Variants in MCPH1 observed in about 807,000 individuals in gnomAD.
MCPH1 encodes microcephalin 1, also known as microcephalin.
In MCPH1, 104 loss-of-function variants were observed where a neutral mutation model predicts 84.5. That is an observed-to-expected ratio of 1.23 (90% confidence interval 1.05 to 1.45). MCPH1 has a LOEUF of 1.45. Among genes scored for constraint, MCPH1 ranks in the 40% most tolerant of loss-of-function variants. The pLI is 0.00. For missense variants in MCPH1, 1,498 were observed against 1,005.7 expected, an observed-to-expected ratio of 1.49 and a Z score of -6.62; for synonymous variants, 514 against 366.8, an observed-to-expected ratio of 1.40 and a Z score of -4.58.
chr8:6,640,070 G>A (rs1225456687), intron 13 of MCPH1, among the ~76,000 whole-genome samples: 1 of 140,028 alleles, frequency 7.1e-6, no homozygotes, highest in Non-Finnish European at 1.5e-5. Flanking sequence ...GTGTGTGTGT[G>A]TGTGTGTGTG....
chr8:6,432,135 TAAGA>T (rs1270162341), intron 4 of MCPH1, among the ~76,000 whole-genome samples: 2 of 152,192 alleles, frequency 1.3e-5, no homozygotes, highest in African/African-American at 4.8e-5. Flanking sequence ...CCCGTATACC[TAAGA>T]AAGAATTGTT....
At position 6,439,024 on chromosome 8, in the gene MCPH1, A is replaced by T; in HGVS notation, c.508A>T (p.Ser170Cys). 6.2e-7 allele frequency: 1 copy of T among 1,612,004 alleles called. No individual in the cohort carries two copies. Among genetic ancestry groups the T allele is most frequent in the Non-Finnish European group, 8.5e-7 (1 of 1,178,246 alleles). Residue 170 changes from serine (S) to cysteine (C), a missense_variant, in exon 6 of 14, where the codon AGT becomes TGT. Physicochemically the swap from Ser to Cys is moderately radical, Grantham distance 112. Coordinates refer to ENST00000344683, the MANE Select transcript of MCPH1 (RefSeq NM_024596.5). The stretch of plus-strand genomic sequence containing the variant: ...ATATACTCCCACAATTGAAATTAAT[A>T]GTAGGCACCACAGCGCAATGGAGAA... ...LIYTPTIEIN[S>C]RHHSAMEKRL...
At chr8:6,623,287 C>G (rs192979345) in intron 13 of MCPH1, among the ~76,000 whole-genome samples, 3 of 152,104 alleles carry the variant, frequency 2.0e-5, no homozygotes, top group Non-Finnish European at 4.4e-5. Context: ...ATGAATCACT[C>G]TAGTTTCAGC....
intron 12 of MCPH1, among the ~76,000 whole-genome samples, chr8:6,546,079 G>C (rs1822532423): frequency 6.6e-6 from 1 of 152,180 alleles, no homozygotes; most frequent in Non-Finnish European, 1.5e-5. Context: ...GGAACTACTG[G>C]CTCAATACTT....
chr8:6,574,619 G>T (rs934344814), intron 12 of MCPH1, among the ~76,000 whole-genome samples: 4 of 152,168 alleles, frequency 2.6e-5, no homozygotes, highest in African/African-American at 7.2e-5. Flanking sequence ...GATTTAAAAT[G>T]AAAACTTATA....
chr8:6,622,421 G>A (rs1273453982), intron 13 of MCPH1, among the ~76,000 whole-genome samples: 2 of 152,234 alleles, frequency 1.3e-5, no homozygotes, highest in East Asian at 3.9e-4. Flanking sequence ...GGGGAATGCG[G>A]AGGAAGCAGG....
At chr8:6,511,532 T>C (rs528897780) in intron 12 of MCPH1, among the ~76,000 whole-genome samples, 1 of 152,294 alleles carries the variant, frequency 6.6e-6, no homozygotes, top group Admixed American at 6.5e-5. Context: ...TTTCCAACAC[T>C]TGGGGAACAT....
intron 11 of MCPH1, among the ~76,000 whole-genome samples, chr8:6,490,970 TTAA>T (rs563609230): frequency 1.7e-3 from 259 of 149,020 alleles, no homozygotes; most frequent in African/African-American, 6.1e-3. Context: ...CTATTAATCA[TTAA>T]TAACAATTAT....
At chr8:6,411,304 G>C (rs940936147) in intron 2 of MCPH1, among the ~76,000 whole-genome samples, 2 of 152,128 alleles carry the variant, frequency 1.3e-5, no homozygotes, top group African/African-American at 2.4e-5. Context: ...ATCTTATAAG[G>C]AAGCCAGTGA....
intron 11 of MCPH1, among the ~76,000 whole-genome samples, chr8:6,482,200 G>T (rs1809332647): frequency 6.6e-6 from 1 of 152,176 alleles, no homozygotes; most frequent in Non-Finnish European, 1.5e-5. Context: ...CCAAAGAGGA[G>T]CTCCAAGGTG....
At chr8:6,492,047 G>C (rs996168176) in intron 11 of MCPH1, among the ~76,000 whole-genome samples, 5 of 152,124 alleles carry the variant, frequency 3.3e-5, no homozygotes, top group African/African-American at 9.7e-5. Flanking sequence ...CTGAGGAATC[G>C]CCACACTGAC....
chr8:6,577,777 A>C (rs1827233193), intron 12 of MCPH1, among the ~76,000 whole-genome samples: 1 of 152,242 alleles, frequency 6.6e-6, no homozygotes, highest in Non-Finnish European at 1.5e-5. Context: ...CAAGAGATAC[A>C]AATTAAGGAA....
intron 9 of MCPH1, among the ~76,000 whole-genome samples, chr8:6,475,394 G>A (rs923608155): frequency 6.6e-6 from 1 of 152,208 alleles, no homozygotes; most frequent in African/African-American, 2.4e-5. Context: ...AGACGCCCTT[G>A]TGGCTCTTTT....
chr8:6,499,129 T>G (rs1264461598), intron 11 of MCPH1, among the ~76,000 whole-genome samples: 1 of 152,036 alleles, frequency 6.6e-6, no homozygotes, highest in Non-Finnish European at 1.5e-5. Context: ...TAATCCAGCT[T>G]TGTTATTTTA....
At chr8:6,528,816 C>T (rs922093764) in intron 12 of MCPH1, among the ~76,000 whole-genome samples, 1 of 152,214 alleles carries the variant, frequency 6.6e-6, no homozygotes, top group Non-Finnish European at 1.5e-5. Context: ...TTTGCAGGAG[C>T]CTTGGCTGGT....
At chr8:6,560,527 A>G (rs1015086409) in intron 12 of MCPH1, among the ~76,000 whole-genome samples, 14 of 152,186 alleles carry the variant, frequency 9.2e-5, no homozygotes, top group African/African-American at 3.4e-4. Context: ...ACCGAGCGAG[A>G]GTGCAAATTG....
chr8:6,602,667 T>A (rs1975622), intron 12 of MCPH1, among the ~76,000 whole-genome samples: 11 of 151,968 alleles, frequency 7.2e-5, no homozygotes, highest in Non-Finnish European at 1.2e-4. Context: ...TTGGGTTTGT[T>A]GCTTTCCTTG....
At chr8:6,420,130 C>T (rs955579849) in intron 3 of MCPH1, among the ~76,000 whole-genome samples, 1 of 151,726 alleles carries the variant, frequency 6.6e-6, no homozygotes, top group Non-Finnish European at 1.5e-5. Context: ...CTCTTAGTTT[C>T]TTCTTTTTTT....
intron 12 of MCPH1, chr8:6,521,151 T>C (rs1238763625): frequency 6.3e-7 from 1 of 1,592,250 alleles, no homozygotes; most frequent in East Asian, 2.2e-5. Flanking sequence ...TTATTAACGC[T>C]GAAGAAAGCA....
Sources: allele counts gnomAD v4.1 joint callset (sites outside exome capture counted in the v4.1 genomes callset), GRCh38; gene constraint gnomAD v4.1.1; transcripts MANE v1.5; gene names NCBI Gene and HGNC (gene_info 2026-07-23, HGNC 2026-07-21).